Variants in COL15A1 observed in about 807,000 individuals in gnomAD.
The protein encoded by COL15A1 is collagen alpha-1(XV) chain.
A neutral mutation model predicts 165.9 loss-of-function variants in COL15A1; 111 were observed. The ratio of observed to expected loss-of-function variants is 0.67; its 90% CI spans 0.57 to 0.78. COL15A1 has a LOEUF of 0.78. COL15A1 is among the 30% of genes least tolerant of loss of function. COL15A1 has a pLI of 0.00. For missense variants in COL15A1, 1,745 were observed against 1,789.7 expected (o/e 0.98, Z 0.45); for synonymous variants, 659 against 674.8 (o/e 0.98, Z 0.36).
intron 41 of COL15A1, 59 bp from the exon 42 acceptor site, chr9:99,069,614 C>CA: frequency 9.5e-6 from 15 of 1,572,002 alleles, no homozygotes; most frequent in Non-Finnish European, 1.3e-5. Flanking sequence ...ATTTGCTTAC[C>CA]AAAAAATACC....
At position 99,016,066 on chromosome 9, in the gene COL15A1, G is replaced by A. The variant is rs1178887464; in HGVS notation, c.1594G>A (p.Asp532Asn). ...GGEESGSPPP[D>N]GPPLPLPTVA... ...TGAAGAGTCCGGCAGCCCTCCCCCT[G>A]ATGGGCCACCGCTGCCCCTGCCCAC... is the stretch of plus-strand genomic sequence containing the variant. Residue 532 changes from aspartate (D) to asparagine (N), a missense_variant, in exon 11 of 42, where the codon GAT (aspartate) becomes AAT (asparagine). Coordinates refer to ENST00000375001, the MANE Select transcript of COL15A1 (RefSeq NM_001855.5). 1.9e-6 allele frequency: 3 copies of A among 1,613,932 alleles called. No homozygotes were observed. The highest frequency in any genetic ancestry group is 3.3e-5 in the Admixed American group (2 of 59,994).
intron 2 of COL15A1, among the ~76,000 whole-genome samples, chr9:98,949,367 C>T (rs975524013): frequency 2.0e-5 from 3 of 152,214 alleles, no homozygotes; most frequent in Admixed American, 6.5e-5. Flanking sequence ...TCTCTCAGTG[C>T]ACATGTGCAT....
chr9:98,988,588 T>C (rs567570458), intron 4 of COL15A1, among the ~76,000 whole-genome samples: 37 of 152,248 alleles, frequency 2.4e-4, no homozygotes, highest in South Asian at 1.7e-3. Flanking sequence ...TGAGAAATCA[T>C]TGTGTATTCT....
chr9:99,029,987 A>C (rs530015934), intron 16 of COL15A1, among the ~76,000 whole-genome samples: 1 of 152,340 alleles, frequency 6.6e-6, no homozygotes, highest in Admixed American at 6.5e-5. Flanking sequence ...ACTGGTTATC[A>C]GTATTACAAA....
intron 35 of COL15A1, 122 bp downstream of exon 35, chr9:99,056,526 C>T: frequency 7.3e-7 from 1 of 1,376,006 alleles, no homozygotes; most frequent in Non-Finnish European, 9.5e-7. Context: ...ATACCGCCTT[C>T]TTTCTTTTTT....
At chr9:98,977,544 G>A (rs1564023454) in intron 2 of COL15A1, among the ~76,000 whole-genome samples, 1 of 152,246 alleles carries the variant, frequency 6.6e-6, no homozygotes, top group African/African-American at 2.4e-5. Flanking sequence ...CATGCCATGG[G>A]ACAGTGGATG....
chr9:98,999,573 G>T (rs1212172225), intron 6 of COL15A1, among the ~76,000 whole-genome samples: 2 of 151,202 alleles, frequency 1.3e-5, no homozygotes, highest in Admixed American at 1.3e-4. Context: ...ACCCAGGCTG[G>T]AGCACAGTGG....
intron 2 of COL15A1, among the ~76,000 whole-genome samples, chr9:98,967,291 G>A (rs1837972778): frequency 6.6e-6 from 1 of 152,194 alleles, no homozygotes; most frequent in African/African-American, 2.4e-5. Flanking sequence ...CTCCTGGAAG[G>A]TGTGTGCCGA....
rs766110833 is a variant in COL15A1 at position 99,000,874 on chromosome 9, G to T, written c.988G>T (p.Val330Phe). Residue 330 changes from valine to phenylalanine, a missense_variant, in exon 7 of 42, where the codon GTT becomes TTT. By Grantham distance (50) the Val-to-Phe change is conservative (BLOSUM62 -1). Coordinates refer to ENST00000375001, the MANE Select transcript of COL15A1 (RefSeq NM_001855.5). The stretch of plus-strand genomic sequence containing the variant: ...GATCCTGAATGACACACTGGAGGGG[G>T]TTCATTCTGTGGATGGTGACCCCAT... Reference protein sequence around the residue: ...GEILNDTLEGVHSVDGDPITD... With the variant: ...GEILNDTLEGFHSVDGDPITD... 3 of 1,599,842 alleles carry T rather than the reference G, an allele frequency of 1.9e-6. No individual in the cohort carries two copies. The highest frequency in any genetic ancestry group is 1.7e-5 in the Admixed American group (1 of 59,718).
At chr9:99,046,215 A>G (rs1186947531) in intron 26 of COL15A1, among the ~76,000 whole-genome samples, 1 of 152,204 alleles carries the variant, frequency 6.6e-6, no homozygotes, top group Non-Finnish European at 1.5e-5. Context: ...TCTAATTTGC[A>G]TGAAGGTGCT....
chr9:98,961,446 G>A (rs1564011792), intron 2 of COL15A1, among the ~76,000 whole-genome samples: 1 of 152,176 alleles, frequency 6.6e-6, no homozygotes, highest in Non-Finnish European at 1.5e-5. Context: ...GAGATCTGAG[G>A]GGTGAACAGA....
intron 2 of COL15A1, among the ~76,000 whole-genome samples, chr9:98,984,307 G>C (rs897474241): frequency 6.6e-6 from 1 of 152,234 alleles, no homozygotes; most frequent in Admixed American, 6.5e-5. Context: ...GTTGCTGCAA[G>C]CTAGTCTGCA....
rs540494614 is a variant in COL15A1, at chr9:99,033,716, G to A, written c.2044-833G>A. Among the ~76,000 whole-genome samples, 7 of 152,350 alleles carry A rather than the reference G, an allele frequency of 4.6e-5. No homozygotes were observed. The East Asian group carries it at 1.2e-3, about 25-fold the overall frequency. On this transcript the variant is annotated intron_variant, in intron 16 of 41. Coordinates refer to ENST00000375001, the MANE Select transcript of COL15A1 (RefSeq NM_001855.5). ...GCCCAGGAACAAAAATGACTGGGGG[G>A]AAGGACATAGTCTTTGATGGCTGGT...
chr9:99,054,654 C>A lies in COL15A1; in HGVS notation c.3029C>A (p.Pro1010Gln). The change falls in exon 32 of 42, where the codon CCA becomes CAA. Residue 1010 changes from proline (P) to glutamine (Q), a missense_variant and splice_region_variant. Pro to Gln is a moderately conservative substitution (Grantham distance 76). Coordinates refer to ENST00000375001, the MANE Select transcript of COL15A1 (RefSeq NM_001855.5). ...GGCGACCAGGGAGCCCAGGGACCAC[C>A]AGGTATTCCAGCTCTTGTTCTCAAT... Reference protein sequence around the residue: ...EKGDQGAQGPPGPPLDLAYLR... With the variant: ...EKGDQGAQGPQGPPLDLAYLR... The A allele has an allele frequency of 6.2e-7, 1 of 1,607,572 alleles. No homozygotes were observed. The highest frequency in any genetic ancestry group is 1.3e-5 in the African/African-American group (1 of 74,356).
At chr9:99,006,659 C>T (rs1250852976) in intron 9 of COL15A1, among the ~76,000 whole-genome samples, 2 of 149,644 alleles carry the variant, frequency 1.3e-5, no homozygotes, top group South Asian at 2.2e-4. Context: ...TTTCCTTTCT[C>T]CTCCTCTTCT....
At chr9:99,066,814 T>C (rs1315659463) in intron 39 of COL15A1, 68 bp from the exon 40 acceptor site, 5 of 1,312,092 alleles carry the variant, frequency 3.8e-6, no homozygotes, top group Middle Eastern at 2.7e-4. Flanking sequence ...TGCAGGAATG[T>C]GAGATGGTTC....
intron 2 of COL15A1, among the ~76,000 whole-genome samples, chr9:98,948,596 CAAAAAAAAAAA>C (rs67986686): frequency 2.0e-5 from 2 of 100,530 alleles, no homozygotes; most frequent in South Asian, 3.8e-4. Context: ...GACTCTGTCT[CAAAAAAAAAAA>C]AAAAAAAAAA....
intron 16 of COL15A1, among the ~76,000 whole-genome samples, chr9:99,032,272 A>C (rs774516385): frequency 6.6e-6 from 1 of 151,864 alleles, no homozygotes; most frequent in Non-Finnish European, 1.5e-5. Context: ...GGCTCACTGC[A>C]ACCTCCTCCT....
intron 16 of COL15A1, among the ~76,000 whole-genome samples, chr9:99,030,757 G>A (rs1839202814): frequency 6.6e-6 from 1 of 152,188 alleles, no homozygotes; most frequent in Non-Finnish European, 1.5e-5. Flanking sequence ...GGTTTTTAGA[G>A]GGAGGCTACT....
Sources: allele counts gnomAD v4.1 joint callset (sites outside exome capture counted in the v4.1 genomes callset), GRCh38; gene constraint gnomAD v4.1.1; transcripts MANE v1.5; gene names NCBI Gene and HGNC (gene_info 2026-07-23, HGNC 2026-07-21).